The following COL5A2 variants were observed in gnomAD, a reference collection of about 807,000 sequenced individuals.
The protein encoded by COL5A2 is collagen alpha-2(V) chain.
Under a neutral mutation model 208.2 loss-of-function variants are expected in COL5A2, and 23 were observed. The ratio of observed to expected loss-of-function variants is 0.11; its 90% CI spans 0.08 to 0.16. COL5A2 has a LOEUF of 0.16. Among genes scored for constraint, COL5A2 ranks in the 10% least tolerant of loss-of-function variants. The pLI is 1.00. For missense variants in COL5A2, 1,590 were observed against 1,956.4 expected (o/e 0.81, Z 3.53); for synonymous variants, 625 against 628.5 (o/e 0.99, Z 0.08).
the COL5A2 span, among the ~76,000 whole-genome samples, chr2:189,272,521 G>A: frequency 2.0e-5 from 3 of 152,168 alleles, no homozygotes; most frequent in East Asian, 5.8e-4. Context: ...AGGGGTGGAG[G>A]GCTAGGGGAG....
chr2:189,319,608 A>G, the COL5A2 span, among the ~76,000 whole-genome samples: 2 of 152,240 alleles, frequency 1.3e-5, no homozygotes. Context: ...GGCAGCAGCC[A>G]GGCTCGGGGA....
chr2:189,259,308 TAG>T, the COL5A2 span, among the ~76,000 whole-genome samples: 2 of 152,358 alleles, frequency 1.3e-5, no homozygotes, highest in Admixed American at 6.5e-5. Context: ...TTTCCATTTA[TAG>T]AGTCTTATAG....
the COL5A2 span, among the ~76,000 whole-genome samples, chr2:189,337,935 C>G: frequency 1.3e-5 from 2 of 152,152 alleles, no homozygotes; most frequent in Non-Finnish European, 2.9e-5. Flanking sequence ...GGAAGACGTG[C>G]AGTTCTAGTC....
At chr2:189,043,950 A>T (rs1685612369) in intron 47 of COL5A2, among the ~76,000 whole-genome samples, 1 of 152,170 alleles carries the variant, frequency 6.6e-6, no homozygotes. Context: ...CTATACCCAG[A>T]GAAGAGGTGA....
chr2:189,067,973 T>C (rs1321932870), intron 21 of COL5A2, 42 bp downstream of exon 21: 2 of 1,486,736 alleles, frequency 1.3e-6, no homozygotes, highest in Non-Finnish European at 1.9e-6. Flanking sequence ...CCCTCGTAGT[T>C]AGATTACACT....
the COL5A2 span, among the ~76,000 whole-genome samples, chr2:189,402,757 C>T: frequency 2.0e-5 from 3 of 151,248 alleles, no homozygotes; most frequent in African/African-American, 7.3e-5. Context: ...TCTATGTGTC[C>T]GTTCTTGTAG....
At chr2:189,356,467 G>A in the COL5A2 span, among the ~76,000 whole-genome samples, 5 of 151,870 alleles carry the variant, frequency 3.3e-5, no homozygotes, top group Non-Finnish European at 5.9e-5. Context: ...TTGTCTTCTC[G>A]CTTTATTTCA....
the COL5A2 span, among the ~76,000 whole-genome samples, chr2:189,395,511 T>C: frequency 2.0e-5 from 3 of 152,170 alleles, no homozygotes; most frequent in African/African-American, 7.2e-5. Context: ...AAATTTTGTA[T>C]AACAACTAAA....
chr2:189,125,572 A>G (rs1355298926), intron 1 of COL5A2, among the ~76,000 whole-genome samples: 1 of 152,162 alleles, frequency 6.6e-6, no homozygotes, highest in Non-Finnish European at 1.5e-5. Flanking sequence ...TACATTTATG[A>G]TGATCCACAT....
upstream of COL5A2, among the ~76,000 whole-genome samples, chr2:189,229,423 C>T (rs10931403): frequency 0.18 from 22,383 of 123,632 alleles, 2,820 homozygotes; most frequent in African/African-American, 0.38. Flanking sequence ...ATTGCACACA[C>T]ACATACATAC....
chr2:189,325,950 A>C, the COL5A2 span, among the ~76,000 whole-genome samples: 1 of 152,036 alleles, frequency 6.6e-6, no homozygotes, highest in Non-Finnish European at 1.5e-5. Flanking sequence ...TACAAAAATT[A>C]GTCCGGCATA....
At chr2:189,118,110 A>ATTT (rs1687431029) in intron 1 of COL5A2, among the ~76,000 whole-genome samples, 1 of 152,002 alleles carries the variant, frequency 6.6e-6, no homozygotes, top group Non-Finnish European at 1.5e-5. Context: ...ACCCTGGGCT[A>ATTT]TTACCTGATT....
chr2:189,259,658 G>C, the COL5A2 span, among the ~76,000 whole-genome samples: 4 of 152,192 alleles, frequency 2.6e-5, no homozygotes, highest in African/African-American at 4.8e-5. Flanking sequence ...CATGGTGACA[G>C]AAGAGTTGGA....
chr2:189,081,887 AT>A (rs1485358883), intron 12 of COL5A2, among the ~76,000 whole-genome samples: 1 of 152,178 alleles, frequency 6.6e-6, no homozygotes, highest in African/African-American at 2.4e-5. Flanking sequence ...TGACTTAATT[AT>A]TTACTTATTA....
At chr2:189,203,592 T>C (rs1689106371) in intron 1 of COL5A2, among the ~76,000 whole-genome samples, 1 of 152,264 alleles carries the variant, frequency 6.6e-6, no homozygotes, top group Non-Finnish European at 1.5e-5. Context: ...TTAGCTGTAA[T>C]GCAATACTTC....
intron 24 of COL5A2, 137 bp from the exon 25 acceptor site, chr2:189,064,792 T>C (rs547715276): frequency 5.5e-5 from 46 of 838,314 alleles, no homozygotes; most frequent in Admixed American, 1.2e-4. Flanking sequence ...GTATAAAATT[T>C]TGTCACCACA....
chr2:189,065,365 A>G (rs1265144529), intron 23 of COL5A2, among the ~76,000 whole-genome samples: 1 of 152,144 alleles, frequency 6.6e-6, no homozygotes, highest in African/African-American at 2.4e-5. Context: ...ACCTGTCTCT[A>G]CTAAAAATAC....
chr2:189,143,166 G>A (rs1433292549), intron 1 of COL5A2, among the ~76,000 whole-genome samples: 6 of 152,062 alleles, frequency 3.9e-5, no homozygotes. Context: ...TATATTGTTT[G>A]CAGTTTGTAC....
intron 2 of COL5A2, among the ~76,000 whole-genome samples, chr2:189,109,409 T>C (rs577423839): frequency 6.6e-6 from 1 of 152,148 alleles, no homozygotes; most frequent in Admixed American, 6.6e-5. Context: ...TATTTCCATA[T>C]ACATACTGTT....
Sources: gnomAD v4.1 joint callset for allele counts (sites outside exome capture counted in the v4.1 genomes callset) on GRCh38, gnomAD v4.1.1 for gene constraint, MANE v1.5 for transcripts, NCBI Gene and HGNC (gene_info 2026-07-23, HGNC 2026-07-21) for gene names.